The following CACNA2D3 variants were observed in gnomAD, a reference collection of about 807,000 sequenced individuals.
CACNA2D3 encodes the protein calcium voltage-gated channel auxiliary subunit alpha2delta 3, also known as voltage-dependent calcium channel subunit alpha-2/delta-3.
A neutral mutation model predicts 160.6 loss-of-function variants in CACNA2D3; 60 were observed. That is an observed-to-expected ratio of 0.37 (90% CI 0.30 to 0.46). The LOEUF is 0.46. Ranked by LOEUF, CACNA2D3 falls within the 20% of genes least tolerant of loss-of-function variation. The probability of loss-of-function intolerance (pLI) is 1.00; values close to 1 mark genes in which losing one functional copy is unlikely to be tolerated. For synonymous variants in CACNA2D3, 558 were observed against 492.9 expected (o/e 1.13, Z -1.75); for missense variants, 1,205 against 1,365.0 (o/e 0.88, Z 1.85).
chr3:54,824,693 G>A (rs1013858270), intron 14 of CACNA2D3, among the ~76,000 whole-genome samples: 1 of 152,062 alleles, frequency 6.6e-6, no homozygotes, highest in African/African-American at 2.4e-5. Context: ...TGTTTTAATG[G>A]GGTACAGACA....
chr3:54,703,929 C>T (rs954632051), intron 11 of CACNA2D3, among the ~76,000 whole-genome samples: 2 of 152,216 alleles, frequency 1.3e-5, no homozygotes, highest in African/African-American at 4.8e-5. Flanking sequence ...GTTCAGACCC[C>T]TACCTCTACC....
At chr3:54,510,920 G>A (rs991823290) in intron 5 of CACNA2D3, among the ~76,000 whole-genome samples, 29 of 152,198 alleles carry the variant, frequency 1.9e-4, no homozygotes, top group African/African-American at 7.0e-4. Flanking sequence ...AATATGTAGG[G>A]GATGCTCTTC....
intron 2 of CACNA2D3, among the ~76,000 whole-genome samples, chr3:54,314,313 G>A (rs1206365597): frequency 6.6e-6 from 1 of 152,124 alleles, no homozygotes; most frequent in African/African-American, 2.4e-5. Flanking sequence ...TGATTGATGG[G>A]TATTTGGGTT....
At chr3:54,593,507 A>C (rs2106759650) in intron 9 of CACNA2D3, among the ~76,000 whole-genome samples, 1 of 152,256 alleles carries the variant, frequency 6.6e-6, no homozygotes, top group Non-Finnish European at 1.5e-5. Context: ...CACCTGATAT[A>C]TTTCTCCACT....
chr3:54,244,961 C>G (rs549656939), intron 2 of CACNA2D3, among the ~76,000 whole-genome samples: 61 of 152,286 alleles, frequency 4.0e-4, no homozygotes, highest in Non-Finnish European at 7.9e-4. Context: ...GAAGCCAGAA[C>G]AAGAACTCAA....
At chr3:54,562,749 AT>A in intron 5 of CACNA2D3, 50 bp from the exon 6 acceptor site, 5 of 1,542,496 alleles carry the variant, frequency 3.2e-6, no homozygotes, top group Non-Finnish European at 4.4e-6. Flanking sequence ...CAGGAATTTT[AT>A]TTCACTTTGG....
At chr3:54,802,450 T>C (rs888639309) in intron 13 of CACNA2D3, among the ~76,000 whole-genome samples, 1 of 152,220 alleles carries the variant, frequency 6.6e-6, no homozygotes, top group Non-Finnish European at 1.5e-5. Context: ...TGCATAGCAT[T>C]GGAAATCTTT....
intron 4 of CACNA2D3, among the ~76,000 whole-genome samples, chr3:54,399,805 A>G (rs1396186101): frequency 8.5e-6 from 1 of 117,132 alleles, no homozygotes; most frequent in African/African-American, 3.4e-5. Flanking sequence ...GGTGGAGCCT[A>G]CAGAGGCAGG....
intron 3 of CACNA2D3, among the ~76,000 whole-genome samples, chr3:54,378,499 G>A (rs1699046837): frequency 6.6e-6 from 1 of 152,156 alleles, no homozygotes; most frequent in South Asian, 2.1e-4. Flanking sequence ...TGCCTCAGAT[G>A]ATGTAATGTC....
chr3:54,247,329 C>CAAACAAACAAAT (rs549331677), intron 2 of CACNA2D3, among the ~76,000 whole-genome samples: 1,892 of 151,828 alleles, frequency 0.012, 34 homozygotes, highest in African/African-American at 0.042. Flanking sequence ...AACAAACAAA[C>CAAACAAACAAAT]AAATAAATAA....
chr3:54,983,023 G>T (rs1321881401), intron 29 of CACNA2D3, among the ~76,000 whole-genome samples: 3 of 152,146 alleles, frequency 2.0e-5, no homozygotes, highest in Non-Finnish European at 4.4e-5. Flanking sequence ...AGCCCAACAG[G>T]TCTTAGCCTC....
At chr3:54,797,369 G>A (rs1439566681) in intron 13 of CACNA2D3, among the ~76,000 whole-genome samples, 2 of 152,142 alleles carry the variant, frequency 1.3e-5, no homozygotes, top group Non-Finnish European at 2.9e-5. Flanking sequence ...CCCTTGCTGT[G>A]GCCACCTCCT....
At chr3:54,972,923 C>T (rs79694369) in intron 29 of CACNA2D3, among the ~76,000 whole-genome samples, 1,898 of 152,244 alleles carry the variant, frequency 0.012, 50 homozygotes, top group African/African-American at 0.042. Flanking sequence ...GCACCTGGTG[C>T]CTGGCTGAGC....
At chr3:54,316,435 T>C (rs1024445843) in intron 2 of CACNA2D3, among the ~76,000 whole-genome samples, 3 of 152,218 alleles carry the variant, frequency 2.0e-5, no homozygotes, top group African/African-American at 7.2e-5. Context: ...TCTAATGTGA[T>C]TCCAGCAGTC....
At chr3:55,014,609 G>C (rs1232733406) in intron 34 of CACNA2D3, among the ~76,000 whole-genome samples, 3 of 152,114 alleles carry the variant, frequency 2.0e-5, no homozygotes, top group South Asian at 4.1e-4. Context: ...GCGCGTGCCT[G>C]TAATCCCAGC....
chr3:54,774,629 A>AT (rs111655457), intron 13 of CACNA2D3, among the ~76,000 whole-genome samples: 4,470 of 107,824 alleles, frequency 0.041, 360 homozygotes, highest in African/African-American at 0.13. Flanking sequence ...CTCTTTGACT[A>AT]TTTTTTTTTT....
chr3:54,900,083 C>T (rs1277626422), intron 27 of CACNA2D3, among the ~76,000 whole-genome samples: 1 of 152,154 alleles, frequency 6.6e-6, no homozygotes, highest in African/African-American at 2.4e-5. Context: ...ACTTTCCCAG[C>T]GTTTCTATCC....
At chr3:54,144,192 C>G (rs1177697371) in intron 2 of CACNA2D3, among the ~76,000 whole-genome samples, 1 of 152,192 alleles carries the variant, frequency 6.6e-6, no homozygotes, top group Non-Finnish European at 1.5e-5. Flanking sequence ...AGCATATCCC[C>G]TATTACTCAT....
chr3:54,427,701 A>G (rs989861169), intron 4 of CACNA2D3, among the ~76,000 whole-genome samples: 1 of 152,218 alleles, frequency 6.6e-6, no homozygotes, highest in African/African-American at 2.4e-5. Flanking sequence ...ACTCCAGGTT[A>G]CTGTCCTCAG....
Sources: gnomAD v4.1 joint callset for allele counts (sites outside exome capture counted in the v4.1 genomes callset) on GRCh38, gnomAD v4.1.1 for gene constraint, MANE v1.5 for transcripts, NCBI Gene and HGNC (gene_info 2026-07-23, HGNC 2026-07-21) for gene names.